Variants in SNX30 observed in about 807,000 individuals in gnomAD.
SNX30 encodes sorting nexin family member 30.
SNX30 carries 24 observed loss-of-function variants against 46.4 expected under a neutral mutation model. That is an observed-to-expected ratio of 0.52 (90% confidence interval 0.37 to 0.73). SNX30 has a LOEUF of 0.73. Ranked by LOEUF, SNX30 falls within the 30% of genes least tolerant of loss-of-function variation. The pLI is 0.00. For synonymous variants in SNX30, 189 were observed against 211.5 expected, an observed-to-expected ratio of 0.89 and a Z score of 0.92; for missense variants, 533 against 555.7, an observed-to-expected ratio of 0.96 and a Z score of 0.41.
At chr9:112,773,911 C>T (rs1036476374) in intron 1 of SNX30, among the ~76,000 whole-genome samples, 1 of 152,076 alleles carries the variant, frequency 6.6e-6, no homozygotes, top group Admixed American at 6.5e-5. Context: ...CATTTTGTTT[C>T]AATAAGTAAA....
At chr9:112,780,877 G>A (rs905052824) in intron 1 of SNX30, among the ~76,000 whole-genome samples, 1 of 152,154 alleles carries the variant, frequency 6.6e-6, no homozygotes, top group African/African-American at 2.4e-5. Flanking sequence ...CTTTGTCCCC[G>A]GCTTAGACAT....
intron 1 of SNX30, among the ~76,000 whole-genome samples, chr9:112,795,300 C>T (rs917637622): frequency 6.6e-6 from 1 of 152,126 alleles, no homozygotes; most frequent in African/African-American, 2.4e-5. Context: ...TAAATGAGGA[C>T]ATCGGGGCTT....
intron 1 of SNX30, among the ~76,000 whole-genome samples, chr9:112,770,959 G>C (rs1342046240): frequency 6.6e-6 from 1 of 152,220 alleles, no homozygotes; most frequent in Non-Finnish European, 1.5e-5. Flanking sequence ...TCGGGCCACT[G>C]CACTCCAGCC....
At chr9:112,835,266 G>T (rs1319379421) in intron 4 of SNX30, among the ~76,000 whole-genome samples, 1 of 152,178 alleles carries the variant, frequency 6.6e-6, no homozygotes, top group Non-Finnish European at 1.5e-5. Context: ...ACAACCTGAA[G>T]ATTGTATAGA....
At chr9:112,850,765 TG>T in intron 6 of SNX30, 93 bp from the exon 7 acceptor site, 1 of 867,218 alleles carries the variant, frequency 1.2e-6, no homozygotes, top group Non-Finnish European at 1.9e-6. Context: ...GGCCTTGATT[TG>T]GGGAGGCGTG....
intron 7 of SNX30, among the ~76,000 whole-genome samples, chr9:112,858,200 C>T (rs1201754797): frequency 6.6e-6 from 1 of 152,078 alleles, no homozygotes; most frequent in Non-Finnish European, 1.5e-5. Flanking sequence ...ACCTCAGTCA[C>T]GAAAATTAAA....
intron 1 of SNX30, among the ~76,000 whole-genome samples, chr9:112,764,832 A>G (rs1423904095): frequency 6.6e-6 from 1 of 152,234 alleles, no homozygotes; most frequent in East Asian, 1.9e-4. Context: ...TTAACGTAGG[A>G]GTAAGCTGGA....
rs189848754 is a variant in SNX30 at position 112,869,911 on chromosome 9, A to G, written c.*1068A>G. The G allele has an allele frequency of 5.3e-5, 8 of 152,300 alleles. No individual in the cohort carries two copies. The highest frequency in any genetic ancestry group is 1.9e-4 in the African/African-American group (8 of 41,550). The allele number at this position is 152,300 out of a possible 1,614,324, so 9.4% of individuals were successfully genotyped here. ...GTTATGATACAGTCGAAATTTGTCA[A>G]TGCAGTGTGAATGTTCTACATAAAG... On this transcript the variant is annotated 3_prime_UTR_variant, in exon 9 of 9. Coordinates refer to ENST00000374232, the MANE Select transcript of SNX30 (RefSeq NM_001012994.2).
intron 1 of SNX30, among the ~76,000 whole-genome samples, chr9:112,784,994 T>C (rs1402036244): frequency 6.6e-6 from 1 of 152,212 alleles, no homozygotes; most frequent in Non-Finnish European, 1.5e-5. Context: ...AGATTTTGCT[T>C]TCCATATCTT....
In SNX30 at chr9:112,775,571, T is replaced by C. The variant is rs1306527922; in HGVS notation, c.156+24414T>C. ...GTGTGTGTGTGTGTGTGTGTGTGTG[T>C]GTGTGTGTGTGTGTGTAGGCAATGC... is the stretch of plus-strand genomic sequence containing the variant. On this transcript the variant is annotated intron_variant, in intron 1 of 8. Coordinates refer to ENST00000374232, the MANE Select transcript of SNX30 (RefSeq NM_001012994.2). 2.4e-4 allele frequency among the ~76,000 whole-genome samples: 37 copies of C among 151,304 alleles called. No homozygotes were observed. The East Asian group carries it at 6.4e-3, about 26-fold the overall frequency.
intron 1 of SNX30, among the ~76,000 whole-genome samples, chr9:112,763,403 T>G (rs1839477135): frequency 7.8e-6 from 1 of 127,606 alleles, no homozygotes; most frequent in Admixed American, 9.8e-5. Context: ...TGTGTGTGTG[T>G]AGAGAGAGGC....
chr9:112,865,645 ATATATATAT>A lies in SNX30; in HGVS notation c.1254+1247_1254+1255del, dbSNP rs1172953322. 7.1e-5 allele frequency among the ~76,000 whole-genome samples: 6 copies of A among 84,368 alleles called. 1 individual carries two copies. The highest frequency in any genetic ancestry group is 2.2e-4 in the African/African-American group (6 of 26,722). The allele number at this position is 84,368 out of a possible 152,430, so 55.3% of individuals were successfully genotyped here. ...ACGCCATATATATATATATATATAT[ATATATATAT>A]ATATATATGTATGTATGTATGCACA... is the stretch of plus-strand genomic sequence containing the variant. On this transcript the variant is annotated intron_variant, in intron 8 of 8. Coordinates refer to ENST00000374232, the MANE Select transcript of SNX30 (RefSeq NM_001012994.2).
intron 2 of SNX30, among the ~76,000 whole-genome samples, chr9:112,815,389 C>G (rs1300311375): frequency 1.4e-5 from 2 of 146,318 alleles, no homozygotes; most frequent in Admixed American, 1.4e-4. Context: ...GACAGGGTCT[C>G]TTGCTCTGTT....
intron 2 of SNX30, among the ~76,000 whole-genome samples, chr9:112,812,836 G>A (rs1305474683): frequency 6.6e-6 from 1 of 151,946 alleles, no homozygotes; most frequent in Non-Finnish European, 1.5e-5. Flanking sequence ...AATTAATTTT[G>A]TATCCTCCCA....
At chr9:112,817,155 C>T (rs1416534172) in intron 2 of SNX30, among the ~76,000 whole-genome samples, 1 of 152,056 alleles carries the variant, frequency 6.6e-6, no homozygotes, top group East Asian at 1.9e-4. Context: ...CCGAAATGAG[C>T]AGTGATCTAT....
chr9:112,768,647 C>CTTCTTCTTCTTCT (rs1554748345), intron 1 of SNX30, among the ~76,000 whole-genome samples: 4 of 64,358 alleles, frequency 6.2e-5, no homozygotes, highest in Admixed American at 1.9e-4. Flanking sequence ...ATTCTTTCTT[C>CTTCTTCTTCTTCT]TTTTTTTTTT....
At chr9:112,810,961 T>C (rs1396550874) in intron 2 of SNX30, among the ~76,000 whole-genome samples, 1 of 152,014 alleles carries the variant, frequency 6.6e-6, no homozygotes, top group African/African-American at 2.4e-5. Context: ...GCGAGGCTTG[T>C]GGAATGCGAG....
intron 8 of SNX30, among the ~76,000 whole-genome samples, chr9:112,865,094 A>G (rs1470595385): frequency 2.3e-5 from 2 of 87,674 alleles, no homozygotes; most frequent in East Asian, 3.7e-4. Context: ...CACATACACC[A>G]CACACCCCCC....
At chr9:112,764,737 G>T (rs1839506391) in intron 1 of SNX30, among the ~76,000 whole-genome samples, 1 of 152,170 alleles carries the variant, frequency 6.6e-6, no homozygotes, top group Non-Finnish European at 1.5e-5. Flanking sequence ...TTCAGAGAGT[G>T]TACTGGTTAG....
Sources: allele counts gnomAD v4.1 joint callset (sites outside exome capture counted in the v4.1 genomes callset), GRCh38; gene constraint gnomAD v4.1.1; transcripts MANE v1.5; gene names NCBI Gene and HGNC (gene_info 2026-07-23, HGNC 2026-07-21).